Variants in SPAG17 observed in about 807,000 individuals in gnomAD.
SPAG17 encodes the protein sperm-associated antigen 17.
In SPAG17, 169 loss-of-function variants were observed where a neutral mutation model predicts 273.6. The observed-to-expected ratio is 0.62, with a 90% CI of 0.55 to 0.70. SPAG17 has a LOEUF of 0.70. SPAG17 is among the 30% of genes least tolerant of loss of function. The pLI is 0.00. For synonymous variants in SPAG17, 825 were observed against 873.2 expected, an observed-to-expected ratio of 0.94 and a Z score of 0.97; for missense variants, 2,557 against 2,627.8, an observed-to-expected ratio of 0.97 and a Z score of 0.59.
At chr1:118,056,179 A>G (rs1651653998) in intron 18 of SPAG17, among the ~76,000 whole-genome samples, 1 of 152,178 alleles carries the variant, frequency 6.6e-6, no homozygotes, top group East Asian at 1.9e-4. Context: ...GAAATAAAAA[A>G]AGAAATAAGA....
chr1:118,018,708 C>A (rs1266609574), intron 28 of SPAG17, among the ~76,000 whole-genome samples: 1 of 151,688 alleles, frequency 6.6e-6, no homozygotes, highest in Non-Finnish European at 1.5e-5. Context: ...GTGGTGCATG[C>A]CTGTTGCATG....
chr1:118,101,208 T>G (rs1005141471), intron 5 of SPAG17, among the ~76,000 whole-genome samples: 1 of 152,026 alleles, frequency 6.6e-6, no homozygotes, highest in Non-Finnish European at 1.5e-5. Flanking sequence ...TGAGCCCAGG[T>G]GTTCAAGGCC....
chr1:117,984,940 G>A (rs1001998410), intron 40 of SPAG17, among the ~76,000 whole-genome samples, 158 bp from the exon 41 acceptor site: 1 of 152,080 alleles, frequency 6.6e-6, no homozygotes, highest in African/African-American at 2.4e-5. Flanking sequence ...AACTTGTTTT[G>A]GTTAATTTTC....
chr1:118,112,055 A>G (rs1223467640), intron 4 of SPAG17, among the ~76,000 whole-genome samples: 1 of 152,122 alleles, frequency 6.6e-6, no homozygotes. Flanking sequence ...GGAACCTAAG[A>G]CTAGATTTTA....
intron 18 of SPAG17, among the ~76,000 whole-genome samples, chr1:118,063,433 T>C (rs1184871874): frequency 6.6e-6 from 1 of 152,140 alleles, no homozygotes; most frequent in Non-Finnish European, 1.5e-5. Context: ...TAATGCCGCC[T>C]ATCTACAACC....
intron 4 of SPAG17, among the ~76,000 whole-genome samples, chr1:118,108,564 C>T (rs1044626951): frequency 2.6e-5 from 4 of 152,166 alleles, no homozygotes; most frequent in Non-Finnish European, 4.4e-5. Context: ...TAGCTCACAA[C>T]TTTAAAAATT....
At chr1:118,025,446 C>T (rs376669390) in intron 26 of SPAG17, 30 bp from the exon 27 acceptor site, 193 of 1,423,572 alleles carry the variant, frequency 1.4e-4, no homozygotes, top group Non-Finnish European at 1.6e-4. Flanking sequence ...TTCTTGTGAA[C>T]TGGACAATGC....
intron 31 of SPAG17, among the ~76,000 whole-genome samples, chr1:118,006,136 C>T (rs1231368765): frequency 1.3e-5 from 2 of 152,234 alleles, no homozygotes; most frequent in African/African-American, 4.8e-5. Flanking sequence ...ATAGATTTAC[C>T]CTTTAAAAGT....
chr1:118,179,937 G>A (rs927672033), intron 1 of SPAG17, among the ~76,000 whole-genome samples: 1 of 151,876 alleles, frequency 6.6e-6, no homozygotes, highest in Admixed American at 6.6e-5. Flanking sequence ...AAAAGACAGG[G>A]AATAATGAGT....
At chr1:118,060,914 C>A (rs1248751990) in intron 18 of SPAG17, among the ~76,000 whole-genome samples, 1 of 152,130 alleles carries the variant, frequency 6.6e-6, no homozygotes, top group African/African-American at 2.4e-5. Context: ...CTCCTCCAGT[C>A]TTTACTGGCT....
chr1:118,023,387 G>A lies in SPAG17; in HGVS notation c.3986C>T (p.Thr1329Met), dbSNP rs770288388. The A allele has an allele frequency of 2.1e-5, 34 of 1,612,412 alleles. No homozygotes were observed. The highest frequency in any genetic ancestry group is 8.0e-5 in the African/African-American group (6 of 74,844). ...GTCCATCAAATCTCCACTGTGAGGC[G>A]TTGCTGGCATTTCAGAAGGAGGACA... is the stretch of plus-strand genomic sequence containing the variant. ...LICPPSEMPA[T>M]PHSGDLMDSI... Residue 1329 changes from threonine (T) to methionine (M), a missense_variant, in exon 28 of 49, where the codon ACG (threonine) becomes ATG (methionine). Physicochemically the swap from Thr to Met is moderately conservative, Grantham distance 81 (BLOSUM62 -1). Transcript: ENST00000336338.
intron 45 of SPAG17, 37 bp downstream of exon 45, chr1:117,971,826 A>T: frequency 6.4e-7 from 1 of 1,566,104 alleles, no homozygotes; most frequent in Non-Finnish European, 8.7e-7. Flanking sequence ...GGGTAGGGAA[A>T]GGTAACCTGA....
At chr1:118,154,378 A>T (rs1365988293) in intron 1 of SPAG17, among the ~76,000 whole-genome samples, 1 of 152,198 alleles carries the variant, frequency 6.6e-6, no homozygotes, top group Admixed American at 6.5e-5. Context: ...ACAAACTGAG[A>T]ATGCCTACAG....
chr1:117,959,146 G>C, intron 48 of SPAG17: 1 of 1,315,886 alleles, frequency 7.6e-7, no homozygotes, highest in Non-Finnish European at 1.0e-6. Flanking sequence ...GAATTAGTAG[G>C]AATAGAAAAA....
At chr1:117,999,240 T>C (rs974481686) in intron 32 of SPAG17, among the ~76,000 whole-genome samples, 2 of 152,184 alleles carry the variant, frequency 1.3e-5, no homozygotes, top group Admixed American at 6.5e-5. Context: ...TGATGGATAT[T>C]TGGGTTGGTT....
At chr1:118,151,818 T>C (rs1223233617) in intron 1 of SPAG17, among the ~76,000 whole-genome samples, 1 of 152,208 alleles carries the variant, frequency 6.6e-6, no homozygotes, top group Non-Finnish European at 1.5e-5. Context: ...TGTTGGGTCA[T>C]ATTGGATGAG....
chr1:118,017,799 T>C (rs959896038), intron 28 of SPAG17, among the ~76,000 whole-genome samples: 2 of 152,146 alleles, frequency 1.3e-5, no homozygotes, highest in African/African-American at 4.8e-5. Flanking sequence ...AAGAATCACA[T>C]GCAGATCCTG....
chr1:118,084,940 G>T (rs1230600985), intron 13 of SPAG17, among the ~76,000 whole-genome samples: 1 of 151,986 alleles, frequency 6.6e-6, no homozygotes, highest in Non-Finnish European at 1.5e-5. Context: ...AAATTTTATG[G>T]TTCTATGATT....
At chr1:118,049,081 A>C (rs980559273) in intron 20 of SPAG17, among the ~76,000 whole-genome samples, 1 of 152,214 alleles carries the variant, frequency 6.6e-6, no homozygotes, top group Admixed American at 6.5e-5. Context: ...TGAATCAGTT[A>C]TAAAATGTCT....
Sources: gnomAD v4.1 joint callset for allele counts (sites outside exome capture counted in the v4.1 genomes callset) on GRCh38, gnomAD v4.1.1 for gene constraint, MANE v1.5 for transcripts, NCBI Gene and HGNC (gene_info 2026-07-23, HGNC 2026-07-21) for gene names.